Variants in ABCA10 observed in about 807,000 individuals in gnomAD.
The protein encoded by ABCA10 is ATP binding cassette subfamily A member 10.
In ABCA10, 169 loss-of-function variants were observed where a neutral mutation model predicts 187.5. That is an observed-to-expected ratio of 0.90 (90% CI 0.80 to 1.02). The LOEUF (loss-of-function observed/expected upper bound fraction) is 1.02. ABCA10 is among the 50% of genes least tolerant of loss of function. The pLI, the probability that ABCA10 is intolerant of heterozygous loss-of-function variation, is 0.00. For synonymous variants in ABCA10, 574 were observed against 601.8 expected, an observed-to-expected ratio of 0.95 and a Z score of 0.68; for missense variants, 1,727 against 1,812.4, an observed-to-expected ratio of 0.95 and a Z score of 0.86.
At chr17:69,195,721 T>G (rs1335195611) in intron 11 of ABCA10, among the ~76,000 whole-genome samples, 2 of 151,906 alleles carry the variant, frequency 1.3e-5, no homozygotes, top group Non-Finnish European at 2.9e-5. Context: ...TCCGCAGTGT[T>G]TGTGTCCCTG....
chr17:69,238,013 T>C (rs2144867227), intron 1 of ABCA10, among the ~76,000 whole-genome samples: 1 of 151,870 alleles, frequency 6.6e-6, no homozygotes, highest in East Asian at 1.9e-4. Context: ...AATACAAAAA[T>C]TAGATGGGCA....
Position 69,211,329 on chromosome 17 carries a change from A to ATGTG in ABCA10, c.1006+3374_1006+3375insCACA, listed in dbSNP as rs1568070277. On this transcript the variant is annotated intron_variant, in intron 9 of 38. Transcript: ENST00000690296. ...TCATATATATGATATATATATATAT[A>ATGTG]TATATATATATATATATATATATAT... 1.7e-4 allele frequency among the ~76,000 whole-genome samples: 21 copies of ATGTG among 127,092 alleles called. 1 individual carries two copies. The highest frequency in any genetic ancestry group is 6.1e-4 in the African/African-American group (19 of 30,954). The allele number at this position is 127,092 out of a possible 152,430, so 83.4% of individuals were successfully genotyped here.
intron 25 of ABCA10, among the ~76,000 whole-genome samples, chr17:69,165,924 T>C (rs546072530): frequency 1.3e-5 from 2 of 152,254 alleles, no homozygotes; most frequent in East Asian, 3.9e-4. Flanking sequence ...TATAAACAAA[T>C]CTATTATGAA....
chr17:69,208,423 A>C, intron 9 of ABCA10, among the ~76,000 whole-genome samples: 1 of 26,704 alleles, frequency 3.7e-5, no homozygotes. Flanking sequence ...GTCTCAAAAA[A>C]AAAAAAAAAA....
At position 69,191,280 on chromosome 17, in the gene ABCA10, A is replaced by AT. The variant is rs770497689; in HGVS notation, c.1906dup (p.Ile636AsnfsTer6). On this transcript the variant is annotated frameshift_variant, in exon 17 of 39. Coordinates refer to ENST00000690296, the MANE Select transcript of ABCA10 (RefSeq NM_001377321.1). The stretch of plus-strand genomic sequence containing the variant: ...AATGTGCTGCTTAATAAGGGATGTG[A>AT]TTTTTTCTGTGTCACACATTTCATT... 8.7e-6 allele frequency: 14 copies of AT among 1,601,976 alleles called. No homozygotes were observed. Among genetic ancestry groups the AT allele is most frequent in the East Asian group, 6.8e-5 (3 of 44,406 alleles).
intron 36 of ABCA10, among the ~76,000 whole-genome samples, chr17:69,150,896 T>C (rs4968844): frequency 0.073 from 11,103 of 152,254 alleles, 544 homozygotes; most frequent in Admixed American, 0.15. Flanking sequence ...TTTGTTGGTA[T>C]GGTTGTGGTG....
chr17:69,171,051 G>A (rs2074294214), intron 25 of ABCA10, among the ~76,000 whole-genome samples: 1 of 152,166 alleles, frequency 6.6e-6, no homozygotes, highest in Non-Finnish European at 1.5e-5. Context: ...AAAAGTAAGT[G>A]AAAATCTTTT....
intron 25 of ABCA10, among the ~76,000 whole-genome samples, chr17:69,169,759 T>C (rs1166829311): frequency 3.3e-5 from 5 of 152,160 alleles, no homozygotes; most frequent in African/African-American, 1.2e-4. Flanking sequence ...ATAAATATGA[T>C]ACGTATCAAA....
chr17:69,176,609 A>G (rs748777962), intron 22 of ABCA10, among the ~76,000 whole-genome samples: 1 of 152,042 alleles, frequency 6.6e-6, no homozygotes, highest in Non-Finnish European at 1.5e-5. Flanking sequence ...ATGACTCCAT[A>G]TCCCTGCTTC....
At chr17:69,226,609 C>T (rs1277979487) in intron 2 of ABCA10, among the ~76,000 whole-genome samples, 5 of 151,906 alleles carry the variant, frequency 3.3e-5, no homozygotes, top group Non-Finnish European at 5.9e-5. Context: ...GATCTTATTC[C>T]ATGAAACCAT....
At chr17:69,177,517 T>C (rs1225239209) in intron 22 of ABCA10, among the ~76,000 whole-genome samples, 2 of 152,294 alleles carry the variant, frequency 1.3e-5, no homozygotes, top group East Asian at 1.9e-4. Context: ...AGTTCTAATA[T>C]AGGCATTTGA....
chr17:69,160,337 G>T (rs895725930), intron 27 of ABCA10, among the ~76,000 whole-genome samples: 1 of 152,088 alleles, frequency 6.6e-6, no homozygotes, highest in African/African-American at 2.4e-5. Context: ...GGCCGGGCAC[G>T]GTGGCTCACG....
rs148551955 is a variant in ABCA10 at position 69,182,281 on chromosome 17, A to T, written c.2641T>A (p.Phe881Ile). 184 of 1,545,446 alleles carry T rather than the reference A, an allele frequency of 1.2e-4. No homozygotes were observed. In the African/African-American group the frequency reaches 2.4e-3, roughly 20 times the overall value. The change falls in exon 22 of 39, where the codon TTT (phenylalanine) becomes ATT (isoleucine). Residue 881 changes from phenylalanine to isoleucine, a missense_variant. By Grantham distance (21) the Phe-to-Ile change is conservative. Transcript: ENST00000690296. Reference protein sequence around the residue: ...IVSGDQKDYRFSVACNTKKLN... With the variant: ...IVSGDQKDYRISVACNTKKLN... ...TTCTTGGTATTACACGCAACAGAAAATCTGTAATCCTTGAAAAAAAGTACA... is the reference window on the plus strand; with the variant it reads ...TTCTTGGTATTACACGCAACAGAAATTCTGTAATCCTTGAAAAAAAGTACA...
At chr17:69,196,344 G>C in intron 11 of ABCA10, 1 of 173,534 alleles carries the variant, frequency 5.8e-6, no homozygotes, top group Non-Finnish European at 1.2e-5. Context: ...GGTGGCGGTC[G>C]GGCAGAGACA....
At chr17:69,179,563 G>A (rs890955921) in intron 22 of ABCA10, among the ~76,000 whole-genome samples, 3 of 152,118 alleles carry the variant, frequency 2.0e-5, no homozygotes, top group African/African-American at 7.2e-5. Context: ...TCCACCTAAG[G>A]ATTAACATAA....
rs2074157017 is a variant in ABCA10, at chr17:69,154,383, T to G, written c.3695-57A>C. 10 of 1,329,240 alleles carry G rather than the reference T, an allele frequency of 7.5e-6. No individual in the cohort carries two copies. The South Asian group carries it at 1.3e-4, about 18-fold the overall frequency. 82.3% of individuals were successfully genotyped at this position (1,329,240 alleles called of 1,614,324 possible). A position where few individuals can be genotyped will look rare whatever the true frequency, so the allele number is the denominator to read the frequency against. On this transcript the variant is annotated intron_variant, in intron 30 of 38. Transcript: ENST00000690296. Reference sequence around the variant, plus strand: ...TTTTCAAGGTTGACTAATCTAAAATTGCTTGGTTGGTTGCATAACATTTTG... The same window carrying G: ...TTTTCAAGGTTGACTAATCTAAAATGGCTTGGTTGGTTGCATAACATTTTG...
intron 16 of ABCA10, 61 bp from the exon 17 acceptor site, chr17:69,191,376 A>G (rs987175480): frequency 1.4e-6 from 2 of 1,410,066 alleles, no homozygotes; most frequent in African/African-American, 2.9e-5. Context: ...CACTCATGAA[A>G]AGATAGTTTT....
In ABCA10 at chr17:69,222,607, T is replaced by A. The variant is rs1598125359; in HGVS notation, c.125A>T (p.Asp42Val). Reference sequence around the variant, plus strand: ...AAACTTCAGGCGATATGAGAAAGTATCACTAAATATAACTCCCACCATTTC... The same window carrying A: ...AAACTTCAGGCGATATGAGAAAGTAACACTAAATATAACTCCCACCATTTC... ...YHEMVGVIFSDTFSYRLKFNW... is the reference protein window; with the variant it reads ...YHEMVGVIFSVTFSYRLKFNW... The change falls in exon 4 of 39, where the codon GAT (aspartate) becomes GTT (valine). Residue 42 changes from aspartate (D) to valine (V), a missense_variant. Asp to Val is a radical substitution (Grantham distance 152). Coordinates refer to ENST00000690296, the MANE Select transcript of ABCA10 (RefSeq NM_001377321.1). The A allele has an allele frequency of 6.2e-7, 1 of 1,603,740 alleles. No homozygotes were observed. The highest frequency in any genetic ancestry group is 2.3e-5 in the East Asian group (1 of 44,220).
At chr17:69,213,283 C>G (rs893601674) in intron 9 of ABCA10, among the ~76,000 whole-genome samples, 1 of 151,844 alleles carries the variant, frequency 6.6e-6, no homozygotes, top group Non-Finnish European at 1.5e-5. Flanking sequence ...GAGTTTGTGT[C>G]TTTTGTCTTT....
Sources: gnomAD v4.1 joint callset for allele counts (sites outside exome capture counted in the v4.1 genomes callset) on GRCh38, gnomAD v4.1.1 for gene constraint, MANE v1.5 for transcripts, NCBI Gene and HGNC (gene_info 2026-07-23, HGNC 2026-07-21) for gene names.